POLE: variants seen among roughly 807,000 people sequenced by gnomAD.
POLE encodes DNA polymerase epsilon, catalytic subunit.
POLE carries 188 observed loss-of-function variants against 279.2 expected under a neutral mutation model. That is an observed-to-expected ratio of 0.67 (90% CI 0.60 to 0.76). The LOEUF (loss-of-function observed/expected upper bound fraction) is 0.76, where lower values mean the gene tolerates loss of function less well. Ranked by LOEUF, POLE falls within the 30% of genes least tolerant of loss-of-function variation. The probability of loss-of-function intolerance (pLI) is 0.00; values close to 1 mark genes in which losing one functional copy is unlikely to be tolerated. For synonymous variants in POLE, 1,214 were observed against 1,172.5 expected (o/e 1.04, Z -0.72); for missense variants, 2,703 against 3,016.7 (o/e 0.90, Z 2.44).
At chr12:132,630,404 C>T (rs1254191467) in intron 45 of POLE, among the ~76,000 whole-genome samples, 1 of 152,094 alleles carries the variant, frequency 6.6e-6, no homozygotes, top group Non-Finnish European at 1.5e-5. Flanking sequence ...TGGATAAAAC[C>T]TAAAACTTCA....
Position 132,649,709 on chromosome 12 carries a change from A to G in POLE, c.3763T>C (p.Leu1255=), listed in dbSNP as rs745838504. 1.6e-5 allele frequency: 26 copies of G among 1,614,120 alleles called. No homozygotes were observed. The African/African-American group carries it at 1.7e-4, about 11-fold the overall frequency. ...LTPTVPWQEI[L]GQPPALGTSQ... is the part of the protein sequence containing the mutation. ...GTTCCCAGGGCGGGAGGCTGCCCCA[A>G]GATTTCCTGCCAGGGCACAGTCGGC... The change falls in exon 30 of 49, where the codon TTG becomes CTG. Residue 1255 remains leucine, a synonymous_variant. Transcript: ENST00000320574.
In POLE at chr12:132,649,716, C is replaced by T. The variant is rs1555224057; in HGVS notation, c.3756G>A (p.Gln1252=). The T allele has an allele frequency of 6.2e-7, 1 of 1,614,162 alleles. No individual in the cohort carries two copies. Among genetic ancestry groups the T allele is most frequent in the South Asian group, 1.1e-5 (1 of 91,080 alleles). ...GGGCGGGAGGCTGCCCCAAGATTTC[C>T]TGCCAGGGCACAGTCGGCGTGAGGT... ...SQDLTPTVPW[Q]EILGQPPALG... Residue 1252 remains glutamine, a synonymous_variant, in exon 30 of 49, where the codon CAG becomes CAA. Transcript: ENST00000320574.
chr12:132,658,064 G>T (rs1051937609), intron 26 of POLE, 94 bp from the exon 27 acceptor site: 2 of 801,708 alleles, frequency 2.5e-6, no homozygotes, highest in Non-Finnish European at 2.2e-6. Context: ...AAATAAGGAC[G>T]TGTAACAGCT....
In POLE at chr12:132,687,322, G is replaced by T; in HGVS notation, c.-7C>A. 2.0e-6 allele frequency: 3 copies of T among 1,498,608 alleles called. No individual in the cohort carries two copies. Among genetic ancestry groups the T allele is most frequent in the Non-Finnish European group, 2.7e-6 (3 of 1,123,056 alleles). The allele number at this position is 1,498,608 out of a possible 1,614,324, so 92.8% of individuals were successfully genotyped here. ...CGCCGCTCCTCAGAGACATGGAGCCGTTGGCTACCACCTCTGCTTCAGGGG... is the reference window on the plus strand; with the variant it reads ...CGCCGCTCCTCAGAGACATGGAGCCTTTGGCTACCACCTCTGCTTCAGGGG... On this transcript the variant is annotated 5_prime_UTR_variant, in exon 1 of 49. Coordinates refer to ENST00000320574, the MANE Select transcript of POLE (RefSeq NM_006231.4).
Position 132,649,340 on chromosome 12 carries a change from C to T in POLE, c.3971G>A (p.Arg1324His), listed in dbSNP as rs143981093. 161 of 1,613,522 alleles carry T rather than the reference C, an allele frequency of 1.0e-4. No homozygotes were observed. Among genetic ancestry groups the T allele is most frequent in the Non-Finnish European group, 9.5e-5 (112 of 1,180,046 alleles). The change falls in exon 31 of 49, where the codon CGC becomes CAC. Residue 1324 changes from arginine (R) to histidine (H), a missense_variant. Arg to His is a conservative substitution (Grantham distance 29). This residue lies in a region of POLE where 1,551 missense variants were observed against 1,686.1 expected (regional missense o/e 0.92). Transcript: ENST00000320574. ...CTGCCACGGAAGGTCCAGGATGCTG[C>T]GGGCAGTTCTTCGCAAGAAGCTCCC... ...GLGSFLRRTA[R>H]SILDLPWQIV...
At chr12:132,658,105 G>A (rs2042587795) in intron 26 of POLE, 135 bp from the exon 27 acceptor site, 8 of 629,840 alleles carry the variant, frequency 1.3e-5, no homozygotes, top group East Asian at 1.1e-4. Flanking sequence ...ACATCTGCGT[G>A]CATATGTATG....
intron 5 of POLE, 110 bp from the exon 6 acceptor site, chr12:132,679,761 G>C: frequency 7.6e-7 from 1 of 1,315,032 alleles, no homozygotes; most frequent in Non-Finnish European, 1.1e-6. Flanking sequence ...GCGACTTCAA[G>C]GCACCTTGTC....
intron 32 of POLE, among the ~76,000 whole-genome samples, chr12:132,645,291 G>A (rs1345101005): frequency 5.2e-5 from 7 of 135,588 alleles, no homozygotes; most frequent in African/African-American, 2.1e-4. Flanking sequence ...GGGAATTCTG[G>A]AGAGGCGAGC....
chr12:132,635,821 A>T (rs2138483486), intron 42 of POLE, 71 bp downstream of exon 42: 1 of 1,530,836 alleles, frequency 6.5e-7, no homozygotes, highest in African/African-American at 1.4e-5. Flanking sequence ...GGCCCTGAGC[A>T]CTCAGCACTT....
Position 132,667,505 on chromosome 12 carries a change from T to C in POLE, c.2317A>G (p.Lys773Glu), listed in dbSNP as rs1324963603. 1.9e-6 allele frequency: 3 copies of C among 1,614,064 alleles called. No homozygotes were observed. The change falls in exon 20 of 49, where the codon AAG becomes GAG. Residue 773 changes from lysine to glutamate, a missense_variant and splice_region_variant. Coordinates refer to ENST00000320574, the MANE Select transcript of POLE (RefSeq NM_006231.4). ...DRRYEFKGLH[K>E]VWKKKLSAAV... ...GCTTGCAGCCCCTCAGAGCTCACCT[T>C]GTGGAGCCCTTTGAACTCGTAACGC...
At position 132,634,997 on chromosome 12, in the gene POLE, C is replaced by T. The variant is rs1431387564; in HGVS notation, c.5812-619G>A. 6.6e-6 allele frequency among the ~76,000 whole-genome samples: 1 copy of T among 152,176 alleles called. No individual in the cohort carries two copies. Among genetic ancestry groups the T allele is most frequent in the Non-Finnish European group, 1.5e-5 (1 of 68,036 alleles). ...AGTCTTGGCTTCATCCTGCCAGCTC[C>T]CAGAAGCGTCTGCGTCCTTACAAAG... On this transcript the variant is annotated intron_variant, in intron 42 of 48. Coordinates refer to ENST00000320574, the MANE Select transcript of POLE (RefSeq NM_006231.4). This position sits in a 1 kb window ranked among gnomAD's most constrained non-coding sequence, Gnocchi z 4.0.
intron 41 of POLE, 40 bp downstream of exon 41, chr12:132,637,974 A>G (rs750927897): frequency 6.2e-7 from 1 of 1,607,320 alleles, no homozygotes; most frequent in East Asian, 2.2e-5. Flanking sequence ...CATCCCTCTC[A>G]AAGCCACAGT....
intron 29 of POLE, chr12:132,650,217 A>G (rs982826773): frequency 3.3e-6 from 1 of 298,898 alleles, no homozygotes; most frequent in African/African-American, 2.1e-5. Context: ...AAAAACAAGC[A>G]AACAAAAATC....
Position 132,668,437 on chromosome 12 carries a change from A to AG in POLE, c.2091dup (p.Phe699ValfsTer11), listed in dbSNP as rs752846614. ...GCCCGAGCTGGCCCCTCTGGGAACA[A>AG]GGGGGGGAACTTCTCTGACTCCAGC... On this transcript the variant is annotated frameshift_variant, in exon 19 of 49. Transcript: ENST00000320574. LOFTEE classifies it high-confidence loss of function. This position sits in a 1 kb window ranked among gnomAD's most constrained non-coding sequence, Gnocchi z 4.0. 5.1e-5 allele frequency: 82 copies of AG among 1,612,076 alleles called. No homozygotes were observed. The highest frequency in any genetic ancestry group is 6.8e-5 in the Non-Finnish European group (80 of 1,179,000).
intron 27 of POLE, among the ~76,000 whole-genome samples, 189 bp downstream of exon 27, chr12:132,657,679 G>A (rs566825634): frequency 6.6e-6 from 1 of 152,320 alleles, no homozygotes; most frequent in East Asian, 1.9e-4. Flanking sequence ...AACAGCTAAA[G>A]GGCCCCAGGC....
chr12:132,651,588 C>T (rs558804480), intron 29 of POLE, among the ~76,000 whole-genome samples: 102 of 152,370 alleles, frequency 6.7e-4, no homozygotes, highest in African/African-American at 2.4e-3. Flanking sequence ...CAACGACCCC[C>T]ACTTCCTGGT....
Position 132,649,804 on chromosome 12 carries a change from G to C in POLE, c.3668C>G (p.Pro1223Arg), listed in dbSNP as rs766806062. ...CCTCTTCACAGTGACAGGGGCTGCT[G>C]GGTGAGGCAGCTTTACGAGGCCGAA... ...EDFGLVKLPHPAAPVTVKRKR... is the reference protein window; with the variant it reads ...EDFGLVKLPHRAAPVTVKRKR... The change falls in exon 30 of 49, where the codon CCA becomes CGA. Residue 1223 changes from proline to arginine, a missense_variant. This residue lies in a region of POLE where 1,551 missense variants were observed against 1,686.1 expected (regional missense o/e 0.92). Coordinates refer to ENST00000320574, the MANE Select transcript of POLE (RefSeq NM_006231.4). 6.2e-7 allele frequency: 1 copy of C among 1,614,166 alleles called. No homozygotes were observed. Among genetic ancestry groups the C allele is most frequent in the South Asian group, 1.1e-5 (1 of 91,084 alleles).
intron 16 of POLE, among the ~76,000 whole-genome samples, chr12:132,669,563 A>G (rs1282879616): frequency 6.6e-6 from 1 of 152,262 alleles, no homozygotes; most frequent in African/African-American, 2.4e-5. Flanking sequence ...TACAAGGAAT[A>G]ACATCTATTC....
At position 132,664,470 on chromosome 12, in the gene POLE, G is replaced by A. The variant is rs1363565882; in HGVS notation, c.2469-8C>T. 6.2e-7 allele frequency: 1 copy of A among 1,612,332 alleles called. No homozygotes were observed. The highest frequency in any genetic ancestry group is 1.1e-5 in the South Asian group (1 of 91,056). On this transcript the variant is annotated splice_polypyrimidine_tract_variant and splice_region_variant and intron_variant, in intron 21 of 48. Coordinates refer to ENST00000320574, the MANE Select transcript of POLE (RefSeq NM_006231.4). The surrounding 1 kb of genome is among the most constrained non-coding windows in gnomAD (Gnocchi z 5.3). ...ATGGAGTACCAGCGAGCCCTGAGAG[G>A]ACACCACAAACTGGTGGGTGGGGCT...
Sources: gnomAD v4.1 joint callset for allele counts (sites outside exome capture counted in the v4.1 genomes callset) on GRCh38, gnomAD v4.1.1 for gene constraint, gnomAD v4.1.1 regional missense constraint, Gnocchi (gnomAD v3.1) non-coding constraint, MANE v1.5 for transcripts, NCBI Gene and HGNC (gene_info 2026-07-23, HGNC 2026-07-21) for gene names.